LIN7A: variants seen among roughly 807,000 people sequenced by gnomAD.
The protein encoded by LIN7A is protein lin-7 homolog A.
Under a neutral mutation model 29.8 loss-of-function variants are expected in LIN7A, and 25 were observed. That is an observed-to-expected ratio of 0.84 (90% confidence interval 0.61 to 1.17). The LOEUF (loss-of-function observed/expected upper bound fraction) is 1.17. Among genes scored for constraint, LIN7A ranks in the 50% most tolerant of loss-of-function variants. LIN7A has a pLI of 0.00. For missense variants in LIN7A, 239 were observed against 287.0 expected, an observed-to-expected ratio of 0.83 and a Z score of 1.21; for synonymous variants, 118 against 107.5, an observed-to-expected ratio of 1.10 and a Z score of -0.60.
At chr12:80,857,258 G>A (rs1273917311) in intron 2 of LIN7A, among the ~76,000 whole-genome samples, 1 of 152,088 alleles carries the variant, frequency 6.6e-6, no homozygotes. Context: ...TAGGCATCTG[G>A]GCCCAGTCTT....
intron 1 of LIN7A, among the ~76,000 whole-genome samples, chr12:80,911,679 A>T (rs909916983): frequency 1.4e-4 from 21 of 152,168 alleles, no homozygotes; most frequent in Admixed American, 4.6e-4. Context: ...ATAAATTTGA[A>T]ATGGCTTGTT....
At chr12:80,826,345 T>C (rs1054512839) in intron 4 of LIN7A, among the ~76,000 whole-genome samples, 3 of 152,198 alleles carry the variant, frequency 2.0e-5, no homozygotes, top group African/African-American at 7.2e-5. Context: ...CCACCCAAGT[T>C]GGACCCTCCT....
chr12:80,833,983 G>A (rs1872497430), intron 4 of LIN7A, among the ~76,000 whole-genome samples: 1 of 151,998 alleles, frequency 6.6e-6, no homozygotes, highest in Non-Finnish European at 1.5e-5. Context: ...ATCTCCTTCT[G>A]GACCCTAAAA....
At chr12:80,919,161 A>G (rs1035905180) in intron 1 of LIN7A, among the ~76,000 whole-genome samples, 11 of 152,230 alleles carry the variant, frequency 7.2e-5, no homozygotes, top group African/African-American at 2.4e-4. Flanking sequence ...GCTGAGATGT[A>G]CAAATAAGCA....
chr12:80,828,061 A>T (rs373094518), intron 4 of LIN7A, among the ~76,000 whole-genome samples: 1 of 152,226 alleles, frequency 6.6e-6, no homozygotes, highest in African/African-American at 2.4e-5. Context: ...ATGAGATCAA[A>T]ATCATTCACA....
intron 2 of LIN7A, among the ~76,000 whole-genome samples, chr12:80,866,429 G>A (rs929312038): frequency 1.3e-5 from 2 of 151,826 alleles, no homozygotes; most frequent in Non-Finnish European, 2.9e-5. Flanking sequence ...TGAACCTACT[G>A]GCACAAATAA....
intron 1 of LIN7A, among the ~76,000 whole-genome samples, chr12:80,912,611 A>G (rs573118108): frequency 7.9e-5 from 12 of 151,592 alleles, no homozygotes; most frequent in African/African-American, 2.9e-4. Context: ...GCTACTCAGG[A>G]GGCTGAGGCA....
chr12:80,900,171 T>C (rs1481015242), intron 1 of LIN7A, among the ~76,000 whole-genome samples: 1 of 152,136 alleles, frequency 6.6e-6, no homozygotes, highest in Non-Finnish European at 1.5e-5. Flanking sequence ...TATTTATTGG[T>C]CTAGGTAGCA....
At chr12:80,839,811 A>G (rs1337041328) in intron 4 of LIN7A, among the ~76,000 whole-genome samples, 1 of 152,236 alleles carries the variant, frequency 6.6e-6, no homozygotes, top group East Asian at 1.9e-4. Context: ...AAAAAAGCCG[A>G]TGGCAGGAAA....
chr12:80,867,034 G>A (rs1874177228), intron 2 of LIN7A, among the ~76,000 whole-genome samples: 1 of 152,034 alleles, frequency 6.6e-6, no homozygotes, highest in African/African-American at 2.4e-5. Flanking sequence ...GCTCACTGCA[G>A]CTTCCAAATC....
chr12:80,864,901 A>G (rs1463423466), intron 2 of LIN7A, among the ~76,000 whole-genome samples: 10 of 152,172 alleles, frequency 6.6e-5, no homozygotes, highest in African/African-American at 2.4e-4. Flanking sequence ...AATCTAAGTT[A>G]GTTTGTAAAG....
intron 2 of LIN7A, among the ~76,000 whole-genome samples, chr12:80,879,647 A>C (rs1473070956): frequency 4.3e-5 from 6 of 139,132 alleles, no homozygotes; most frequent in African/African-American, 1.8e-4. Flanking sequence ...GAGCAGCCCA[A>C]AAAAAAAAAA....
chr12:80,904,151 G>A (rs904147474), intron 1 of LIN7A, among the ~76,000 whole-genome samples: 2 of 151,900 alleles, frequency 1.3e-5, no homozygotes, highest in African/African-American at 4.8e-5. Context: ...TTAAATAAGA[G>A]CATATAGTTG....
At chr12:80,909,758 T>A (rs968156594) in intron 1 of LIN7A, among the ~76,000 whole-genome samples, 13 of 152,094 alleles carry the variant, frequency 8.5e-5, no homozygotes, top group African/African-American at 2.9e-4. Context: ...AACACAAATA[T>A]TTTTACCATA....
chr12:80,800,832 G>A (rs1404444801), intron 5 of LIN7A, among the ~76,000 whole-genome samples: 1 of 151,572 alleles, frequency 6.6e-6, no homozygotes, highest in Non-Finnish European at 1.5e-5. Context: ...TATCTCTCAA[G>A]AACATAAATT....
chr12:80,875,893 T>C (rs745611831), intron 2 of LIN7A, among the ~76,000 whole-genome samples: 16 of 152,160 alleles, frequency 1.1e-4, no homozygotes, highest in Non-Finnish European at 2.2e-4. Context: ...GATTTGAAAC[T>C]GTTCTGTTTT....
At chr12:80,872,772 G>C (rs762283150) in intron 2 of LIN7A, among the ~76,000 whole-genome samples, 1 of 152,132 alleles carries the variant, frequency 6.6e-6, no homozygotes, top group Non-Finnish European at 1.5e-5. Flanking sequence ...CTCTGTCCTG[G>C]AGACAAAATA....
At chr12:80,887,047 T>A (rs1181675855) in intron 2 of LIN7A, among the ~76,000 whole-genome samples, 2 of 152,052 alleles carry the variant, frequency 1.3e-5, no homozygotes, top group African/African-American at 2.4e-5. Flanking sequence ...TCCTGGATAG[T>A]CTTCTGCAAA....
Position 80,899,772 on chromosome 12 carries a change from T to TTTTTC in LIN7A, c.83-10404_83-10403insGAAAA, listed in dbSNP as rs1289056361. Among the ~76,000 whole-genome samples the TTTTTC allele has an allele frequency of 1.2e-4, 15 of 124,490 alleles. 1 individual carries two copies. The highest frequency in any genetic ancestry group is 4.4e-4 in the East Asian group (2 of 4,530). The allele number at this position is 124,490 out of a possible 152,430, so 81.7% of individuals were successfully genotyped here. A position where few individuals can be genotyped will look rare whatever the true frequency, so the allele number is the denominator to read the frequency against. The stretch of plus-strand genomic sequence containing the variant: ...TCTAGGTTTTCTTTTTTTCTTTTCT[T>TTTTTC]TTTTTTTTTTTTTTGAGATCGAGTC... On this transcript the variant is annotated intron_variant, in intron 1 of 5. Transcript: ENST00000552864.
Sources: allele counts gnomAD v4.1 joint callset (sites outside exome capture counted in the v4.1 genomes callset), GRCh38; gene constraint gnomAD v4.1.1; transcripts MANE v1.5; gene names NCBI Gene and HGNC (gene_info 2026-07-23, HGNC 2026-07-21).